Variants in CCDC7 observed in about 807,000 individuals in gnomAD.
The protein encoded by CCDC7 is coiled-coil domain-containing protein 7.
In CCDC7, 183 loss-of-function variants were observed where a neutral mutation model predicts 196.9. The ratio of observed to expected loss-of-function variants is 0.93; its 90% confidence interval spans 0.82 to 1.05. The LOEUF is 1.05. Ranked by LOEUF, CCDC7 falls within the 50% of genes least tolerant of loss-of-function variation. The pLI, the probability that CCDC7 is intolerant of heterozygous loss-of-function variation, is 0.00. For missense variants in CCDC7, 1,540 were observed against 1,482.2 expected (o/e 1.04, Z -0.64); for synonymous variants, 525 against 484.6 (o/e 1.08, Z -1.10).
chr10:32,696,165 C>G (rs2077694707), intron 24 of CCDC7, among the ~76,000 whole-genome samples: 1 of 152,032 alleles, frequency 6.6e-6, no homozygotes, highest in South Asian at 2.1e-4. Context: ...TAGACATAGA[C>G]AATATGTCAT....
At chr10:32,698,129 A>C (rs911498393) in intron 24 of CCDC7, among the ~76,000 whole-genome samples, 2 of 152,226 alleles carry the variant, frequency 1.3e-5, no homozygotes. Flanking sequence ...TGTTAGAAGA[A>C]AAACTAACAG....
chr10:32,496,921 G>A (rs2042997521), intron 9 of CCDC7, among the ~76,000 whole-genome samples: 2 of 152,126 alleles, frequency 1.3e-5, no homozygotes, highest in African/African-American at 2.4e-5. Flanking sequence ...GAGTTAGGGA[G>A]GATTCTCTCT....
At chr10:32,502,952 A>G (rs1374756212) in intron 9 of CCDC7, among the ~76,000 whole-genome samples, 2 of 151,876 alleles carry the variant, frequency 1.3e-5, no homozygotes, top group Non-Finnish European at 2.9e-5. Flanking sequence ...TCTTTTTTAG[A>G]TAGTTTGTTG....
chr10:32,633,710 G>A (rs1363257842), intron 18 of CCDC7, among the ~76,000 whole-genome samples: 63 of 141,530 alleles, frequency 4.5e-4, no homozygotes, highest in Middle Eastern at 7.0e-3. Context: ...GTGTGTGTGT[G>A]TGTGTGTGTG....
At chr10:32,716,816 G>C (rs2081658030) in intron 25 of CCDC7, among the ~76,000 whole-genome samples, 1 of 152,166 alleles carries the variant, frequency 6.6e-6, no homozygotes, top group Non-Finnish European at 1.5e-5. Context: ...ATTACATAAT[G>C]GCAAAGGGAT....
intron 37 of CCDC7, among the ~76,000 whole-genome samples, 157 bp from the exon 39 acceptor site, chr10:32,847,676 C>G (rs890807768): frequency 1.3e-5 from 2 of 151,022 alleles, no homozygotes; most frequent in Non-Finnish European, 2.9e-5. Context: ...GTTCACACCT[C>G]TGCACTCCAG....
intron 24 of CCDC7, among the ~76,000 whole-genome samples, chr10:32,703,227 C>T (rs949317215): frequency 1.3e-5 from 2 of 152,106 alleles, no homozygotes; most frequent in African/African-American, 4.8e-5. Flanking sequence ...CAAAATCTCT[C>T]AGCACTTGCT....
chr10:32,805,885 C>T (rs536583640), intron 30 of CCDC7, among the ~76,000 whole-genome samples: 76 of 152,278 alleles, frequency 5.0e-4, no homozygotes, highest in Middle Eastern at 3.4e-3. Flanking sequence ...AAGCATAGTG[C>T]CAGCATCTAC....
intron 11 of CCDC7, among the ~76,000 whole-genome samples, chr10:32,523,937 C>A (rs2048267462): frequency 6.6e-6 from 1 of 151,692 alleles, no homozygotes; most frequent in Non-Finnish European, 1.5e-5. Context: ...ATCCATTCAG[C>A]CATCACATAT....
chr10:32,763,239 A>G (rs2077731673), intron 28 of CCDC7, among the ~76,000 whole-genome samples: 1 of 151,978 alleles, frequency 6.6e-6, no homozygotes, highest in South Asian at 2.1e-4. Context: ...GAAACATACA[A>G]ATGGTCAACA....
At chr10:32,672,993 G>A (rs1047832705) in intron 21 of CCDC7, among the ~76,000 whole-genome samples, 10 of 152,072 alleles carry the variant, frequency 6.6e-5, no homozygotes, top group African/African-American at 2.4e-4. Context: ...TAGTGTAAGA[G>A]TTTAATTTCA....
intron 9 of CCDC7, chr10:32,512,064 T>C (rs1254458910): frequency 2.5e-5 from 6 of 241,260 alleles, no homozygotes; most frequent in Non-Finnish European, 4.8e-5. Context: ...CCTGTGCATA[T>C]TGAGAAATAA....
At chr10:32,852,999 T>C (rs938826048) in intron 40 of CCDC7, among the ~76,000 whole-genome samples, 4 of 152,150 alleles carry the variant, frequency 2.6e-5, no homozygotes. Context: ...GAGGGTTTTG[T>C]TGGTTGGAAC....
chr10:32,836,114 C>G (rs2135990270), intron 33 of CCDC7, among the ~76,000 whole-genome samples: 1 of 152,152 alleles, frequency 6.6e-6, no homozygotes. Context: ...TGTTAGGCAT[C>G]TTTTTCCTTG....
intron 21 of CCDC7, among the ~76,000 whole-genome samples, chr10:32,671,262 C>T (rs879824179): frequency 3.3e-5 from 5 of 152,080 alleles, no homozygotes; most frequent in Non-Finnish European, 5.9e-5. Flanking sequence ...AGTTTTAAAA[C>T]CTTTATACCA....
intron 9 of CCDC7, among the ~76,000 whole-genome samples, chr10:32,504,828 A>G (rs1459231867): frequency 6.6e-6 from 1 of 152,212 alleles, no homozygotes; most frequent in Non-Finnish European, 1.5e-5. Flanking sequence ...CTAACACATA[A>G]CGTATCATGG....
At chr10:32,519,124 G>C (rs2135544645) in intron 11 of CCDC7, among the ~76,000 whole-genome samples, 1 of 152,258 alleles carries the variant, frequency 6.6e-6, no homozygotes, top group Middle Eastern at 3.4e-3. Flanking sequence ...TTTGCTGTTT[G>C]ATCAGTTAGA....
chr10:32,483,078 C>T (rs547619041), intron 8 of CCDC7, among the ~76,000 whole-genome samples: 5 of 152,220 alleles, frequency 3.3e-5, no homozygotes, highest in African/African-American at 1.2e-4. Context: ...CACCACACTG[C>T]CTTCCACAAT....
downstream of CCDC7, among the ~76,000 whole-genome samples, chr10:32,879,708 C>A: frequency 7.7e-6 from 1 of 129,358 alleles, no homozygotes; most frequent in South Asian, 3.1e-4. Context: ...GCTCTCCCTC[C>A]CCCAACCCAC....
Sources: allele counts gnomAD v4.1 joint callset (sites outside exome capture counted in the v4.1 genomes callset), GRCh38; gene constraint gnomAD v4.1.1; transcripts MANE v1.5; gene names NCBI Gene and HGNC (gene_info 2026-07-23, HGNC 2026-07-21).